Variants in SGCZ observed in about 807,000 individuals in gnomAD.
The protein encoded by SGCZ is sarcoglycan zeta.
Under a neutral mutation model 41.3 loss-of-function variants are expected in SGCZ, and 40 were observed. The observed-to-expected ratio is 0.97, with a 90% confidence interval of 0.75 to 1.26. The LOEUF (loss-of-function observed/expected upper bound fraction) is 1.26. Among genes scored for constraint, SGCZ ranks in the 50% most tolerant of loss-of-function variants. The probability of loss-of-function intolerance (pLI) is 0.00; values close to 1 mark genes in which losing one functional copy is unlikely to be tolerated. For missense variants in SGCZ, 552 were observed against 369.8 expected (o/e 1.49, Z -4.04); for synonymous variants, 206 against 137.5 (o/e 1.50, Z -3.49).
chr8:14,257,931 T>C (rs961820131), intron 3 of SGCZ, among the ~76,000 whole-genome samples: 73 of 152,306 alleles, frequency 4.8e-4, no homozygotes, highest in African/African-American at 1.6e-3. Context: ...TATAGACATA[T>C]CTACCTACCA....
At chr8:14,719,540 G>A (rs935981050) in intron 1 of SGCZ, among the ~76,000 whole-genome samples, 2 of 151,896 alleles carry the variant, frequency 1.3e-5, no homozygotes, top group Admixed American at 6.6e-5. Flanking sequence ...TTTAATGATT[G>A]TCATTCTAAC....
chr8:14,862,553 T>TATATATATATATATATATATATATAC (rs1803789477), intron 1 of SGCZ, among the ~76,000 whole-genome samples: 1 of 133,376 alleles, frequency 7.5e-6, no homozygotes, highest in South Asian at 2.3e-4. Flanking sequence ...TATATATATA[T>TATATATATATATATATATATATATAC]ATATATATAT....
At chr8:14,341,697 G>A (rs1802713246) in intron 2 of SGCZ, among the ~76,000 whole-genome samples, 1 of 152,124 alleles carries the variant, frequency 6.6e-6, no homozygotes, top group African/African-American at 2.4e-5. Flanking sequence ...ATTGAATCAT[G>A]GGGGCCAGTC....
Position 15,112,929 on chromosome 8 carries a change from T to G in SGCZ, c.39+124656A>C, listed in dbSNP as rs559357317. 6.6e-5 allele frequency among the ~76,000 whole-genome samples: 10 copies of G among 151,904 alleles called. No homozygotes were observed. The Middle Eastern group carries it at 0.01, about 155-fold the overall frequency. ...GTTGTGTGGGTAGTTTATTAAGTAG[T>G]AAAGAAAAATGAAAAAAAGCAGGGC... On this transcript the variant is annotated intron_variant, in intron 1 of 7. Transcript: ENST00000382080.
intron 2 of SGCZ, among the ~76,000 whole-genome samples, chr8:14,479,158 C>T (rs1307524199): frequency 1.3e-5 from 2 of 152,116 alleles, no homozygotes; most frequent in African/African-American, 2.4e-5. Flanking sequence ...GAAGCCAGTC[C>T]GAGTCCCAAA....
intron 2 of SGCZ, among the ~76,000 whole-genome samples, chr8:14,478,536 G>A (rs1376104780): frequency 6.6e-6 from 1 of 152,198 alleles, no homozygotes; most frequent in Admixed American, 6.5e-5. Flanking sequence ...ATGGGGGACA[G>A]AGGGATGAGT....
intron 4 of SGCZ, among the ~76,000 whole-genome samples, chr8:14,214,964 G>T (rs890932994): frequency 2.6e-5 from 4 of 152,204 alleles, no homozygotes; most frequent in Admixed American, 1.3e-4. Context: ...ATGATTAGGG[G>T]AAAGAAAATT....
At chr8:14,798,011 G>A (rs980577003) in intron 1 of SGCZ, among the ~76,000 whole-genome samples, 25 of 152,360 alleles carry the variant, frequency 1.6e-4, no homozygotes, top group African/African-American at 5.5e-4. Context: ...GAAGTTTGCT[G>A]CAGGGGCGGG....
At chr8:14,430,869 A>G (rs1338708465) in intron 2 of SGCZ, among the ~76,000 whole-genome samples, 2 of 152,234 alleles carry the variant, frequency 1.3e-5, no homozygotes, top group African/African-American at 4.8e-5. Flanking sequence ...AAATTAATGT[A>G]CACAAATCAG....
At chr8:15,215,323 T>C (rs910885691) in intron 1 of SGCZ, among the ~76,000 whole-genome samples, 2 of 152,244 alleles carry the variant, frequency 1.3e-5, no homozygotes, top group Admixed American at 6.5e-5. Flanking sequence ...TAAAATGCAC[T>C]GCATTTGGTA....
In SGCZ at chr8:14,548,869, G is replaced by A. The variant is rs2117171633; in HGVS notation, c.234+5863C>T. On this transcript the variant is annotated intron_variant, in intron 2 of 7. Transcript: ENST00000382080. ...ATTCCATTGATTTCAATTCTTAAAT[G>A]AAGAGGTATTTGGCGGGAATTATGT... Among the ~76,000 whole-genome samples the A allele has an allele frequency of 1.3e-5, 2 of 152,216 alleles. 1 individual carries two copies. Among genetic ancestry groups the A allele is most frequent in the Middle Eastern group, 6.8e-3 (2 of 294 alleles).
intron 1 of SGCZ, among the ~76,000 whole-genome samples, chr8:14,840,286 G>C (rs1018169322): frequency 1.3e-5 from 2 of 152,152 alleles, no homozygotes; most frequent in African/African-American, 4.8e-5. Context: ...ATTGGTATTA[G>C]AACAATATTA....
At chr8:14,749,064 TCTAATAGGTTAG>T (rs1165331935) in intron 1 of SGCZ, among the ~76,000 whole-genome samples, 1 of 152,164 alleles carries the variant, frequency 6.6e-6, no homozygotes, top group African/African-American at 2.4e-5. Context: ...TCTAATGAAT[TCTAATAGGTTAG>T]CTCATTAAGT....
intron 3 of SGCZ, among the ~76,000 whole-genome samples, chr8:14,283,744 G>C (rs1317949585): frequency 6.6e-6 from 1 of 152,084 alleles, no homozygotes; most frequent in Non-Finnish European, 1.5e-5. Flanking sequence ...TAGGATTTCT[G>C]GGCCATATGG....
chr8:14,644,154 G>A (rs915400082), intron 1 of SGCZ, among the ~76,000 whole-genome samples: 124 of 151,598 alleles, frequency 8.2e-4, no homozygotes, highest in African/African-American at 2.9e-3. Flanking sequence ...CTAGGCTATG[G>A]TGCCCAGTTG....
intron 1 of SGCZ, among the ~76,000 whole-genome samples, chr8:15,083,587 C>A (rs1179659674): frequency 6.6e-6 from 1 of 152,040 alleles, no homozygotes; most frequent in Non-Finnish European, 1.5e-5. Flanking sequence ...ATCTCATTGT[C>A]ACCTAGGCTG....
At chr8:14,826,985 T>C (rs1327939227) in intron 1 of SGCZ, among the ~76,000 whole-genome samples, 3 of 152,094 alleles carry the variant, frequency 2.0e-5, no homozygotes, top group Non-Finnish European at 2.9e-5. Context: ...TTGCTTTTGG[T>C]GTTTTAGACA....
intron 2 of SGCZ, among the ~76,000 whole-genome samples, chr8:14,497,817 C>G (rs1225038769): frequency 6.6e-6 from 1 of 152,080 alleles, no homozygotes. Context: ...GACACACATT[C>G]AAACTATATC....
rs576102348 is a variant in SGCZ at position 14,634,896 on chromosome 8, TA to T, written c.40-79971del. Among the ~76,000 whole-genome samples, 288 of 152,058 alleles carry T rather than the reference TA, an allele frequency of 1.9e-3. 1 individual carries two copies. Among genetic ancestry groups the T allele is most frequent in the African/African-American group, 6.7e-3 (277 of 41,550 alleles). ...ATGTATAGAGACCATCCAAGTATCATAATTTTATTAAAAATATATACATAGT... is the reference window on the plus strand; with the variant it reads ...ATGTATAGAGACCATCCAAGTATCATATTTTATTAAAAATATATACATAGT... On this transcript the variant is annotated intron_variant, in intron 1 of 7. Coordinates refer to ENST00000382080, the MANE Select transcript of SGCZ (RefSeq NM_139167.4).
Sources: allele counts gnomAD v4.1 joint callset (sites outside exome capture counted in the v4.1 genomes callset), GRCh38; gene constraint gnomAD v4.1.1; transcripts MANE v1.5; gene names NCBI Gene and HGNC (gene_info 2026-07-23, HGNC 2026-07-21).